ADAM17: variants seen among roughly 807,000 people sequenced by gnomAD.
ADAM17 encodes the protein ADAM metallopeptidase domain 17.
Under a neutral mutation model 96.7 loss-of-function variants are expected in ADAM17, and 39 were observed. The observed-to-expected ratio is 0.40, with a 90% CI of 0.31 to 0.53. The LOEUF (loss-of-function observed/expected upper bound fraction) is 0.53. Among genes scored for constraint, ADAM17 ranks in the 20% least tolerant of loss-of-function variants. ADAM17 has a pLI of 0.44. For missense variants in ADAM17, 777 were observed against 1,013.2 expected (o/e 0.77, Z 3.17); for synonymous variants, 344 against 359.2 (o/e 0.96, Z 0.48).
At chr2:9,506,512 G>A (rs1477159747) in intron 11 of ADAM17, among the ~76,000 whole-genome samples, 1 of 152,024 alleles carries the variant, frequency 6.6e-6, no homozygotes, top group Non-Finnish European at 1.5e-5. Flanking sequence ...GACTACAGGT[G>A]CATGCCACCA....
chr2:9,535,021 C>CA (rs1664903759), intron 4 of ADAM17, among the ~76,000 whole-genome samples: 1 of 152,128 alleles, frequency 6.6e-6, no homozygotes, highest in African/African-American at 2.4e-5. Flanking sequence ...TAACATACTG[C>CA]AAGGCCATAG....
At position 9,510,046 on chromosome 2, in the gene ADAM17, T is replaced by C; in HGVS notation, c.1277A>G (p.Asn426Ser). The C allele has an allele frequency of 4.3e-6, 7 of 1,614,170 alleles. No homozygotes were observed. The highest frequency in any genetic ancestry group is 5.9e-6 in the Non-Finnish European group (7 of 1,180,022). Reference sequence around the variant, plus strand: ...GACATATTTCCCTCCCTGGTCCTCATTCGGGGCACATTCTGCTAGACCATC... The same window carrying C: ...GACATATTTCCCTCCCTGGTCCTCACTCGGGGCACATTCTGCTAGACCATC... ...DPDGLAECAP[N>S]EDQGGKYVMY... Residue 426 changes from asparagine (N) to serine (S), a missense_variant, in exon 11 of 19, where the codon AAT (asparagine) becomes AGT (serine). Transcript: ENST00000310823.
At chr2:9,514,545 ATATATATATATATATATATAT>A (rs1333360537) in intron 10 of ADAM17, among the ~76,000 whole-genome samples, 1 of 94,372 alleles carries the variant, frequency 1.1e-5, no homozygotes, top group Non-Finnish European at 2.4e-5. Context: ...ATATATATAT[ATATATATATATATATATATAT>A]ATAAATAAAA....
At chr2:9,493,941 C>A in intron 15 of ADAM17, 116 bp from the exon 16 acceptor site, 1 of 769,252 alleles carries the variant, frequency 1.3e-6, no homozygotes, top group South Asian at 2.0e-5. Flanking sequence ...AAACGTTTTC[C>A]CATCTTTGAC....
intron 14 of ADAM17, among the ~76,000 whole-genome samples, chr2:9,495,582 T>C (rs1572883212): frequency 6.6e-6 from 1 of 151,882 alleles, no homozygotes; most frequent in East Asian, 1.9e-4. Context: ...GATGTGGTGG[T>C]GCTTGCCTGT....
intron 1 of ADAM17, among the ~76,000 whole-genome samples, chr2:9,551,002 G>C (rs796147717): frequency 6.6e-6 from 1 of 151,688 alleles, no homozygotes; most frequent in African/African-American, 2.4e-5. Context: ...TTGAACCTGG[G>C]AAGTGGAGGT....
chr2:9,541,266 C>T (rs1665195053), intron 2 of ADAM17, among the ~76,000 whole-genome samples: 1 of 152,110 alleles, frequency 6.6e-6, no homozygotes, highest in Admixed American at 6.5e-5. Flanking sequence ...AAAAAACATG[C>T]ATTAAAATAT....
chr2:9,513,285 C>A (rs1240855243), intron 10 of ADAM17, among the ~76,000 whole-genome samples: 2 of 152,198 alleles, frequency 1.3e-5, no homozygotes, highest in African/African-American at 4.8e-5. Flanking sequence ...TGAGCCACCG[C>A]ACCCAGCTTC....
At chr2:9,525,176 G>A (rs1388219443) in intron 6 of ADAM17, among the ~76,000 whole-genome samples, 1 of 151,774 alleles carries the variant, frequency 6.6e-6, no homozygotes, top group Non-Finnish European at 1.5e-5. Flanking sequence ...GTTCACGCCT[G>A]TAATTCCAGC....
At chr2:9,497,297 C>T in intron 13 of ADAM17, 49 bp from the exon 14 acceptor site, 1 of 1,607,746 alleles carries the variant, frequency 6.2e-7, no homozygotes, top group Non-Finnish European at 8.5e-7. Flanking sequence ...ACAGGTCCAC[C>T]AGTTCTACAG....
In ADAM17 at chr2:9,497,153, A is replaced by G. The variant is rs770135526; in HGVS notation, c.1744T>C (p.Cys582Arg). 6.2e-7 allele frequency: 1 copy of G among 1,614,220 alleles called. No homozygotes were observed. Among genetic ancestry groups the G allele is most frequent in the Non-Finnish European group, 8.5e-7 (1 of 1,180,032 alleles). The stretch of plus-strand genomic sequence containing the variant: ...GACTCCAGCTGCTGTTCCCTCTCGC[A>G]GAAAGGGATGCATTTCCCATCCTTA... The part of the protein sequence containing the change: ...KCKDGKCIPF[C>R]EREQQLESCA... Residue 582 changes from cysteine to arginine, a missense_variant, in exon 14 of 19, where the codon TGC becomes CGC. Cys to Arg is a radical substitution (Grantham distance 180). This residue lies in a region of ADAM17 where 446 missense variants were observed against 664.7 expected (regional missense o/e 0.67). Coordinates refer to ENST00000310823, the MANE Select transcript of ADAM17 (RefSeq NM_003183.6).
chr2:9,545,329 G>A (rs1409218740), intron 1 of ADAM17, among the ~76,000 whole-genome samples: 1 of 152,176 alleles, frequency 6.6e-6, no homozygotes, highest in Non-Finnish European at 1.5e-5. Context: ...AGCACTTGGA[G>A]AGGCAGAGGC....
chr2:9,552,338 C>T lies in ADAM17; in HGVS notation c.97+3171G>A, dbSNP rs548452315. On this transcript the variant is annotated intron_variant, in intron 1 of 18. Coordinates refer to ENST00000310823, the MANE Select transcript of ADAM17 (RefSeq NM_003183.6). ...CCCATCACAATTATCTGCTTAATTC[C>T]TCTCCATTCTACTCTTGAAATATGG... is the stretch of plus-strand genomic sequence containing the variant. Among the ~76,000 whole-genome samples the T allele has an allele frequency of 4.0e-4, 61 of 152,294 alleles. 2 individuals are homozygous for T. The South Asian group carries it at 0.012, about 29-fold the overall frequency.
Position 9,555,634 on chromosome 2 carries a change from C to T in ADAM17, c.-29G>A. ...CCCGGCCCCGCTACCGACTCCACCT[C>T]TCTGGGCAGCCTTCGCCTGACGGGG... On this transcript the variant is annotated 5_prime_UTR_variant, in exon 1 of 19. Transcript: ENST00000310823. The T allele has an allele frequency of 6.6e-7, 1 of 1,523,810 alleles. No homozygotes were observed. The highest frequency in any genetic ancestry group is 8.9e-7 in the Non-Finnish European group (1 of 1,129,144). The allele number at this position is 1,523,810 out of a possible 1,614,324, so 94.4% of individuals were successfully genotyped here. A position where few individuals can be genotyped will look rare whatever the true frequency, so the allele number is the denominator to read the frequency against.
chr2:9,515,730 G>A (rs1402522661), intron 10 of ADAM17, among the ~76,000 whole-genome samples: 5 of 107,250 alleles, frequency 4.7e-5, no homozygotes, highest in Non-Finnish European at 7.7e-5. Flanking sequence ...GTGAAACTCC[G>A]TCTCCAAAAA....
In ADAM17 at chr2:9,555,520, T is replaced by C. The variant is rs182108217; in HGVS notation, c.86A>G (p.His29Arg). The part of the protein sequence containing the change: ...RPPDDPGFGP[H>R]QRLEKLDSLL... ...CCCTGGGTCTTTACCGAGTCTCTGG[T>C]GGGGGCCGAAGCCCGGGTCATCCGG... Residue 29 changes from histidine to arginine, a missense_variant, in exon 1 of 19, where the codon CAC becomes CGC. By Grantham distance (29) the His-to-Arg change is conservative (BLOSUM62 0). Transcript: ENST00000310823. 5 of 1,597,184 alleles carry C rather than the reference T, an allele frequency of 3.1e-6. No homozygotes were observed. In the Admixed American group the frequency reaches 6.9e-5, roughly 22 times the overall value.
intron 7 of ADAM17, 43 bp downstream of exon 7, chr2:9,523,206 T>G: frequency 7.0e-7 from 1 of 1,429,004 alleles, no homozygotes; most frequent in South Asian, 1.2e-5. Context: ...AATATTTACA[T>G]TACAAAACTT....
At chr2:9,503,622 C>T (rs1341231101) in intron 12 of ADAM17, among the ~76,000 whole-genome samples, 2 of 152,002 alleles carry the variant, frequency 1.3e-5, no homozygotes, top group Non-Finnish European at 2.9e-5. Context: ...AGGCAGATCA[C>T]GAAGTCAGGA....
Position 9,527,890 on chromosome 2 carries a change from A to T in ADAM17, c.515T>A (p.Ile172Asn). 1 of 1,596,222 alleles carries T rather than the reference A, an allele frequency of 6.3e-7. No individual in the cohort carries two copies. The highest frequency in any genetic ancestry group is 8.5e-7 in the Non-Finnish European group (1 of 1,169,850). ...AGACTGCAAACGTGAAACATTCTTG[A>T]TATCTTCAGATTTATAAACTAACAT... ...KRMLVYKSED[I>N]KNVSRLQSPK... Residue 172 changes from isoleucine to asparagine, a missense_variant, in exon 5 of 19, where the codon ATC becomes AAC. Around this residue, in one of 3 missense-constraint regions of ADAM17, gnomAD observed 446 missense variants for 664.7 expected, o/e 0.67. Transcript: ENST00000310823.
Sources: gnomAD v4.1 joint callset for allele counts (sites outside exome capture counted in the v4.1 genomes callset) on GRCh38, gnomAD v4.1.1 for gene constraint, gnomAD v4.1.1 regional missense constraint, MANE v1.5 for transcripts, NCBI Gene and HGNC (gene_info 2026-07-23, HGNC 2026-07-21) for gene names.